SLC5A4: variants seen among roughly 807,000 people sequenced by gnomAD.
SLC5A4 encodes the protein probable glucose sensor protein SLC5A4.
In SLC5A4, 55 loss-of-function variants were observed where a neutral mutation model predicts 70.3. The observed-to-expected ratio is 0.78, with a 90% CI of 0.63 to 0.98. The LOEUF is 0.98. Among genes scored for constraint, SLC5A4 ranks in the 50% least tolerant of loss-of-function variants. The pLI is 0.00. For synonymous variants in SLC5A4, 268 were observed against 305.7 expected (o/e 0.88, Z 1.29); for missense variants, 735 against 839.2 (o/e 0.88, Z 1.53).
At chr22:32,271,453 G>C in the SLC5A4 span, 1 of 759,876 alleles carries the variant, frequency 1.3e-6, no homozygotes, top group Non-Finnish European at 2.4e-6. Context: ...TCTCGGCTCA[G>C]CCAGGGCAAT....
the SLC5A4 span, among the ~76,000 whole-genome samples, chr22:32,349,069 G>C: frequency 2.0e-4 from 31 of 152,246 alleles, no homozygotes; most frequent in African/African-American, 7.2e-4. Flanking sequence ...CTGCCTCCCA[G>C]GTTCAAGTGA....
At chr22:32,317,893 T>C in the SLC5A4 span, among the ~76,000 whole-genome samples, 1 of 152,164 alleles carries the variant, frequency 6.6e-6, no homozygotes, top group Non-Finnish European at 1.5e-5. Context: ...TGCTCTCCAG[T>C]TTCACTTCTC....
At chr22:32,307,644 T>C in the SLC5A4 span, among the ~76,000 whole-genome samples, 29 of 152,276 alleles carry the variant, frequency 1.9e-4, no homozygotes, top group African/African-American at 6.7e-4. Flanking sequence ...ACCCCCAAAG[T>C]TGTTTGCATG....
chr22:32,222,622 T>C (rs1204243910), intron 13 of SLC5A4, among the ~76,000 whole-genome samples: 2 of 152,226 alleles, frequency 1.3e-5, no homozygotes, highest in Non-Finnish European at 2.9e-5. Flanking sequence ...TGTTTTCTAG[T>C]GTTCTTTCAT....
the SLC5A4 span, chr22:32,327,576 C>G: frequency 6.6e-6 from 1 of 152,462 alleles, no homozygotes; most frequent in Non-Finnish European, 1.5e-5. Flanking sequence ...TTCCTTTTGG[C>G]ATCCTCTCTC....
chr22:32,259,471 T>C (rs1257585557), upstream of SLC5A4, among the ~76,000 whole-genome samples: 1 of 152,232 alleles, frequency 6.6e-6, no homozygotes, highest in Admixed American at 6.5e-5. Flanking sequence ...AGGTGTTTTT[T>C]TCCTTTGTTC....
At chr22:32,335,477 T>G in the SLC5A4 span, among the ~76,000 whole-genome samples, 1 of 152,156 alleles carries the variant, frequency 6.6e-6, no homozygotes, top group Non-Finnish European at 1.5e-5. Context: ...GAGGATAGAC[T>G]TTGGGGGTTC....
At chr22:32,306,182 T>C in the SLC5A4 span, among the ~76,000 whole-genome samples, 4 of 152,154 alleles carry the variant, frequency 2.6e-5, no homozygotes, top group Admixed American at 2.6e-4. Flanking sequence ...TTACTGTATA[T>C]AGGCCGGGCG....
chr22:32,313,182 A>G, the SLC5A4 span, among the ~76,000 whole-genome samples: 3 of 152,230 alleles, frequency 2.0e-5, no homozygotes, highest in African/African-American at 7.2e-5. Flanking sequence ...ACATAGAGGT[A>G]TAATAGTCAA....
At chr22:32,292,286 A>G in the SLC5A4 span, among the ~76,000 whole-genome samples, 1 of 139,134 alleles carries the variant, frequency 7.2e-6, no homozygotes, top group Non-Finnish European at 1.5e-5. Context: ...GATATTATAT[A>G]TAATATATAC....
chr22:32,312,770 G>A, the SLC5A4 span, among the ~76,000 whole-genome samples: 6 of 152,120 alleles, frequency 3.9e-5, no homozygotes, highest in South Asian at 1.2e-3. Flanking sequence ...AGGCTGCACT[G>A]GGTATTTCAG....
chr22:32,334,637 C>A, the SLC5A4 span, among the ~76,000 whole-genome samples: 1 of 152,206 alleles, frequency 6.6e-6, no homozygotes, highest in East Asian at 1.9e-4. Context: ...CGGAACCACT[C>A]TCCCATCTCG....
At chr22:32,306,071 G>A in the SLC5A4 span, among the ~76,000 whole-genome samples, 1 of 152,126 alleles carries the variant, frequency 6.6e-6, no homozygotes, top group Non-Finnish European at 1.5e-5. Context: ...TGTGGGCACA[G>A]GTTCCCTTGA....
At chr22:32,247,712 A>T (rs767833656) in intron 4 of SLC5A4, among the ~76,000 whole-genome samples, 197 bp from the exon 5 acceptor site, 1 of 152,116 alleles carries the variant, frequency 6.6e-6, no homozygotes, top group Admixed American at 6.6e-5. Context: ...TGCTTAAACC[A>T]TGCTTCTGAA....
intron 13 of SLC5A4, among the ~76,000 whole-genome samples, chr22:32,221,616 G>T (rs1873206222): frequency 6.6e-6 from 1 of 152,030 alleles, no homozygotes; most frequent in South Asian, 2.1e-4. Flanking sequence ...GATTTCCATG[G>T]TTAGTCTGTA....
At chr22:32,223,736 A>G (rs868302889) in intron 13 of SLC5A4, among the ~76,000 whole-genome samples, 1 of 152,128 alleles carries the variant, frequency 6.6e-6, no homozygotes, top group Middle Eastern at 3.2e-3. Flanking sequence ...TACTCTGTGA[A>G]GTTTACAAAA....
At chr22:32,230,352 T>G (rs1313290320) in intron 10 of SLC5A4, among the ~76,000 whole-genome samples, 1 of 152,194 alleles carries the variant, frequency 6.6e-6, no homozygotes, top group Non-Finnish European at 1.5e-5. Flanking sequence ...ATGATCACCT[T>G]CTGGCATCCT....
At chr22:32,285,958 G>C in the SLC5A4 span, among the ~76,000 whole-genome samples, 1 of 151,948 alleles carries the variant, frequency 6.6e-6, no homozygotes, top group Non-Finnish European at 1.5e-5. Flanking sequence ...GGATGGTTTC[G>C]ATATCCTGAC....
the SLC5A4 span, among the ~76,000 whole-genome samples, chr22:32,326,594 G>C: frequency 6.6e-6 from 1 of 152,130 alleles, no homozygotes; most frequent in Non-Finnish European, 1.5e-5. Context: ...ACAGGGACCT[G>C]AAAGGAGGAG....
Sources: gnomAD v4.1 joint callset for allele counts (sites outside exome capture counted in the v4.1 genomes callset) on GRCh38, gnomAD v4.1.1 for gene constraint, MANE v1.5 for transcripts, NCBI Gene and HGNC (gene_info 2026-07-23, HGNC 2026-07-21) for gene names.